PPP6R3: variants seen among roughly 807,000 people sequenced by gnomAD.
The protein encoded by PPP6R3 is serine/threonine-protein phosphatase 6 regulatory subunit 3.
Under a neutral mutation model 110.7 loss-of-function variants are expected in PPP6R3, and 38 were observed. That is an observed-to-expected ratio of 0.34 (90% CI 0.26 to 0.45). PPP6R3 has a LOEUF of 0.45. Among genes scored for constraint, PPP6R3 ranks in the 20% least tolerant of loss-of-function variants. The probability of loss-of-function intolerance (pLI) is 1.00; values close to 1 mark genes in which losing one functional copy is unlikely to be tolerated. For synonymous variants in PPP6R3, 369 were observed against 373.5 expected, an observed-to-expected ratio of 0.99 and a Z score of 0.14; for missense variants, 870 against 1,062.4, an observed-to-expected ratio of 0.82 and a Z score of 2.52.
rs11309470 is a variant in PPP6R3, at chr11:68,613,898, A to AT, written c.*799dup. On this transcript the variant is annotated 3_prime_UTR_variant, in exon 24 of 24. Transcript: ENST00000393800. ...GAGTGTATATGGCTTGTGTTTTGGG[A>AT]TTTTTTTTTTTTTTTTTTGGCTTTT... is the stretch of plus-strand genomic sequence containing the variant. The AT allele has an allele frequency of 0.076, 69,118 of 908,618 alleles. 323 individuals are homozygous for AT. Among genetic ancestry groups the AT allele is most frequent in the Non-Finnish European group, 0.081 (62,774 of 775,662 alleles). 56.3% of individuals were successfully genotyped at this position (908,618 alleles called of 1,614,324 possible).
At chr11:68,498,346 C>G (rs1304517472) in intron 1 of PPP6R3, among the ~76,000 whole-genome samples, 1 of 152,166 alleles carries the variant, frequency 6.6e-6, no homozygotes, top group Non-Finnish European at 1.5e-5. Flanking sequence ...CCAGTCTTGT[C>G]CCACTTAACT....
At chr11:68,470,819 G>A (rs1001166874) in intron 1 of PPP6R3, among the ~76,000 whole-genome samples, 7 of 152,146 alleles carry the variant, frequency 4.6e-5, no homozygotes, top group Admixed American at 6.5e-5. Context: ...GCTGGTGGGC[G>A]TTGCCATGTA....
At chr11:68,610,109 T>C (rs1183673662) in intron 23 of PPP6R3, 86 bp downstream of exon 23, 1 of 1,545,442 alleles carries the variant, frequency 6.5e-7, no homozygotes, top group East Asian at 2.3e-5. Context: ...ACTATAGGGA[T>C]CGTTTACAGC....
At chr11:68,468,934 A>AT (rs1269293838) in intron 1 of PPP6R3, among the ~76,000 whole-genome samples, 1 of 152,184 alleles carries the variant, frequency 6.6e-6, no homozygotes, top group East Asian at 1.9e-4. Context: ...ATATAGAATC[A>AT]TTTTTTCAAC....
chr11:68,599,325 C>T (rs979728234), intron 19 of PPP6R3, among the ~76,000 whole-genome samples: 3 of 152,236 alleles, frequency 2.0e-5, no homozygotes, highest in African/African-American at 7.2e-5. Context: ...GACCTGACTT[C>T]ATCAGAAGGG....
intron 1 of PPP6R3, among the ~76,000 whole-genome samples, chr11:68,497,171 C>T (rs1387158730): frequency 2.0e-5 from 3 of 150,986 alleles, no homozygotes; most frequent in Non-Finnish European, 4.4e-5. Context: ...CTCAGCCTCC[C>T]GAGTAGCTGG....
rs772404927 is a variant in PPP6R3 at position 68,591,703 on chromosome 11, C to T, written c.1913C>T (p.Ser638Phe). ...IAFTPESQRR[S>F]SSGSTDSEES... ...TTCACACCAGAATCCCAAAGACGAT[C>T]CAGGTGAAAGATAGTTGGTTATAGT... The change falls in exon 18 of 24, where the codon TCC (serine) becomes TTC (phenylalanine). Residue 638 changes from serine (S) to phenylalanine (F), a missense_variant. Coordinates refer to ENST00000393800, the MANE Select transcript of PPP6R3 (RefSeq NM_001164161.2). 3.1e-6 allele frequency: 5 copies of T among 1,608,628 alleles called. No homozygotes were observed. The African/African-American group carries it at 6.7e-5, about 22-fold the overall frequency.
chr11:68,551,874 G>T (rs2099382041), intron 6 of PPP6R3, among the ~76,000 whole-genome samples: 1 of 152,212 alleles, frequency 6.6e-6, no homozygotes, highest in Non-Finnish European at 1.5e-5. Flanking sequence ...TTTGCAGGCA[G>T]TGAAGTGGGA....
chr11:68,489,552 T>TTGTGTG (rs1413767280), intron 1 of PPP6R3, among the ~76,000 whole-genome samples: 2 of 144,950 alleles, frequency 1.4e-5, no homozygotes, highest in African/African-American at 5.2e-5. Context: ...TACTGTGTGT[T>TTGTGTG]TGTGTGTGTG....
At chr11:68,572,926 C>T (rs1305234008) in intron 12 of PPP6R3, among the ~76,000 whole-genome samples, 1 of 148,002 alleles carries the variant, frequency 6.8e-6, no homozygotes, top group Non-Finnish European at 1.5e-5. Flanking sequence ...ATTTTCCAAG[C>T]AAGCCTTCAA....
Position 68,600,504 on chromosome 11 carries a change from C to G in PPP6R3, c.2192+10C>G. The G allele has an allele frequency of 6.2e-7, 1 of 1,611,800 alleles. No homozygotes were observed. The highest frequency in any genetic ancestry group is 8.5e-7 in the Non-Finnish European group (1 of 1,179,246). On this transcript the variant is annotated intron_variant, in intron 20 of 23. Transcript: ENST00000393800. The stretch of plus-strand genomic sequence containing the variant: ...TCACGTCTTCCCTGAGGTGAGCGAA[C>G]ATGTGCTGTCTCTACACCCTTCCAC...
chr11:68,581,043 T>C (rs2099552418), intron 14 of PPP6R3, among the ~76,000 whole-genome samples: 1 of 152,184 alleles, frequency 6.6e-6, no homozygotes, highest in African/African-American at 2.4e-5. Flanking sequence ...AGTGCTGGGA[T>C]TGCAGGCGTG....
In PPP6R3 at chr11:68,614,595, A is replaced by G. The variant is rs1371978612; in HGVS notation, c.*1478A>G. 2 of 1,504,654 alleles carry G rather than the reference A, an allele frequency of 1.3e-6. No homozygotes were observed. The highest frequency in any genetic ancestry group is 1.3e-5 in the South Asian group (1 of 75,988). The allele number at this position is 1,504,654 out of a possible 1,614,324, so 93.2% of individuals were successfully genotyped here. ...TGGAAATAAAAGAATCAAACGTCTA[A>G]TGCCTTATTATTTCTGATTTCCTTT... On this transcript the variant is annotated 3_prime_UTR_variant, in exon 24 of 24. Transcript: ENST00000393800.
At chr11:68,561,938 G>A (rs1001956892) in intron 8 of PPP6R3, among the ~76,000 whole-genome samples, 1 of 151,774 alleles carries the variant, frequency 6.6e-6, no homozygotes, top group African/African-American at 2.4e-5. Flanking sequence ...TTTTTTTTAT[G>A]TTTTGTAGCG....
chr11:68,486,603 T>TA (rs61408861), intron 1 of PPP6R3, among the ~76,000 whole-genome samples: 29,515 of 111,436 alleles, frequency 0.26, 4,123 homozygotes, highest in African/African-American at 0.31. Context: ...GACTCTGTCT[T>TA]AAAAAAAAAA....
intron 1 of PPP6R3, among the ~76,000 whole-genome samples, chr11:68,518,039 TG>T (rs2099145693): frequency 1.3e-5 from 2 of 152,146 alleles, no homozygotes; most frequent in African/African-American, 4.8e-5. Context: ...CACTGAAGTT[TG>T]AATGTCAGGA....
intron 1 of PPP6R3, among the ~76,000 whole-genome samples, chr11:68,475,494 G>A (rs1476193485): frequency 1.3e-5 from 2 of 151,916 alleles, no homozygotes; most frequent in African/African-American, 2.4e-5. Context: ...GGGCGGCCGA[G>A]CAGAGGTGCC....
At chr11:68,558,006 T>A (rs2099406023) in intron 7 of PPP6R3, among the ~76,000 whole-genome samples, 1 of 152,252 alleles carries the variant, frequency 6.6e-6, no homozygotes, top group Non-Finnish European at 1.5e-5. Flanking sequence ...GTCACATTTA[T>A]TTCATTGCTG....
chr11:68,571,398 T>C (rs147378721), intron 12 of PPP6R3, among the ~76,000 whole-genome samples: 154 of 152,336 alleles, frequency 1.0e-3, no homozygotes, highest in Non-Finnish European at 1.9e-3. Flanking sequence ...CTAAGAGTTA[T>C]AAGGTTAAAG....
Sources: allele counts gnomAD v4.1 joint callset (sites outside exome capture counted in the v4.1 genomes callset), GRCh38; gene constraint gnomAD v4.1.1; transcripts MANE v1.5; gene names NCBI Gene and HGNC (gene_info 2026-07-23, HGNC 2026-07-21).